The following DCAF1 variants were observed in gnomAD, a reference collection of about 807,000 sequenced individuals.
DCAF1 encodes DDB1- and CUL4-associated factor 1.
Under a neutral mutation model 128.0 loss-of-function variants are expected in DCAF1, and 15 were observed. The observed-to-expected ratio is 0.12, with a 90% CI of 0.08 to 0.18. The LOEUF (loss-of-function observed/expected upper bound fraction) is 0.18. Among genes scored for constraint, DCAF1 ranks in the 10% least tolerant of loss-of-function variants. The pLI is 1.00. For missense variants in DCAF1, 988 were observed against 1,649.5 expected (o/e 0.60, Z 6.95); for synonymous variants, 610 against 603.0 (o/e 1.01, Z -0.17).
At chr3:51,406,537 C>G (rs1559472582) in intron 23 of DCAF1, among the ~76,000 whole-genome samples, 1 of 151,830 alleles carries the variant, frequency 6.6e-6, no homozygotes, top group African/African-American at 2.4e-5. Flanking sequence ...AGAAAGAATT[C>G]TAAAACTCTT....
intron 22 of DCAF1, 91 bp from the exon 23 acceptor site, chr3:51,412,571 C>T: frequency 2.6e-6 from 4 of 1,567,794 alleles, no homozygotes; most frequent in Non-Finnish European, 3.4e-6. Flanking sequence ...ATGACCTTGA[C>T]CCTGTAATTA....
At chr3:51,461,823 A>C (rs1553644662) in intron 6 of DCAF1, among the ~76,000 whole-genome samples, 2 of 152,042 alleles carry the variant, frequency 1.3e-5, no homozygotes, top group African/African-American at 4.8e-5. Context: ...CAAAAAACCA[A>C]ACACCGCATG....
intron 1 of DCAF1, among the ~76,000 whole-genome samples, chr3:51,497,595 GA>G (rs1306471283): frequency 2.7e-5 from 4 of 149,218 alleles, no homozygotes; most frequent in Admixed American, 6.7e-5. Flanking sequence ...TCAAAAAAAA[GA>G]AAAAAAAATT....
Position 51,427,468 on chromosome 3 carries a change from T to A in DCAF1, c.1751A>T (p.Tyr584Phe). 1.3e-6 allele frequency: 1 copy of A among 780,084 alleles called. No individual in the cohort carries two copies. Among genetic ancestry groups the A allele is most frequent in the Non-Finnish European group, 2.4e-6 (1 of 417,654 alleles). 48.3% of individuals were successfully genotyped at this position (780,084 alleles called of 1,614,324 possible). The change falls in exon 13 of 25, where the codon TAT becomes TTT. Residue 584 changes from tyrosine to phenylalanine, a missense_variant. This residue lies in a region of DCAF1 where 185 missense variants were observed against 248.1 expected (regional missense o/e 0.75). Transcript: ENST00000684031. ...GAGGAAAACTTCAGCTGGTTCCCAA[T>A]ATAGCTGCGCTGGGCCATATTCTAT... ...FLIEYGPAQLYWEPAEVFLKL... is the reference protein window; with the variant it reads ...FLIEYGPAQLFWEPAEVFLKL...
At position 51,403,147 on chromosome 3, in the gene DCAF1, C is replaced by T; in HGVS notation, c.4461G>A (p.Gly1487=). 1 of 1,610,500 alleles carries T rather than the reference C, an allele frequency of 6.2e-7. No individual in the cohort carries two copies. The highest frequency in any genetic ancestry group is 2.2e-5 in the East Asian group (1 of 44,838). The change falls in exon 24 of 25, where the codon GGG becomes GGA. Residue 1487 remains glycine (G), a synonymous_variant. Transcript: ENST00000684031. Reference sequence around the variant, plus strand: ...TGAACTCTGCCCTATACTTACTGTCCCCCAGGATCAGTTCCACCTCCTCAT... The same window carrying T: ...TGAACTCTGCCCTATACTTACTGTCTCCCAGGATCAGTTCCACCTCCTCAT... ...DADEEVELIL[G]DTDSSDNSDL... is the part of the protein sequence containing the mutation.
chr3:51,490,207 G>A (rs1020173119), intron 2 of DCAF1, among the ~76,000 whole-genome samples: 15 of 152,144 alleles, frequency 9.9e-5, no homozygotes, highest in African/African-American at 3.4e-4. Flanking sequence ...CTTGAGCTCA[G>A]GAATTCAAGT....
rs540374572 is a variant in DCAF1 at position 51,403,408 on chromosome 3, C to T, written c.4213-13G>A. ...GTTCTTCCTCTTCCTGGTAAGAAAG[C>T]GTAATGTTCATTAGTACAAACACAG... On this transcript the variant is annotated splice_polypyrimidine_tract_variant and intron_variant, in intron 23 of 24. Coordinates refer to ENST00000684031, the MANE Select transcript of DCAF1 (RefSeq NM_001387579.1). The T allele has an allele frequency of 1.7e-5, 27 of 1,551,724 alleles. No individual in the cohort carries two copies. The highest frequency in any genetic ancestry group is 1.2e-4 in the South Asian group (10 of 84,036).
intron 6 of DCAF1, among the ~76,000 whole-genome samples, chr3:51,459,912 T>C (rs1238591284): frequency 1.3e-5 from 2 of 152,110 alleles, no homozygotes; most frequent in Non-Finnish European, 2.9e-5. Context: ...TATCTCAAAA[T>C]AATAAGAGCT....
At chr3:51,410,732 A>T (rs1323987220) in intron 23 of DCAF1, among the ~76,000 whole-genome samples, 3 of 152,240 alleles carry the variant, frequency 2.0e-5, no homozygotes, top group Non-Finnish European at 2.9e-5. Context: ...CTAACCATTG[A>T]GCATGATTTA....
intron 23 of DCAF1, among the ~76,000 whole-genome samples, chr3:51,408,267 C>T (rs552797945): frequency 1.4e-4 from 22 of 152,250 alleles, no homozygotes; most frequent in African/African-American, 4.3e-4. Flanking sequence ...AATTATATCT[C>T]GATAAAGCTC....
At chr3:51,500,948 C>T (rs1324071894), upstream of DCAF1, among the ~76,000 whole-genome samples, 10 of 151,758 alleles carry the variant, frequency 6.6e-5, no homozygotes, top group Admixed American at 3.3e-4. Flanking sequence ...CCCAAGTAGC[C>T]GGGGCTACAG....
chr3:51,428,431 C>G (rs1380430588), intron 12 of DCAF1, among the ~76,000 whole-genome samples: 2 of 145,658 alleles, frequency 1.4e-5, no homozygotes, highest in African/African-American at 5.1e-5. Context: ...TTCAAATGAT[C>G]CTCCCACCTC....
At chr3:51,434,380 T>A (rs1700640422) in intron 9 of DCAF1, among the ~76,000 whole-genome samples, 1 of 152,210 alleles carries the variant, frequency 6.6e-6, no homozygotes, top group African/African-American at 2.4e-5. Flanking sequence ...CACTCCAGCC[T>A]GGGTGACAAA....
At chr3:51,446,999 T>TAATAAA (rs370193180) in intron 6 of DCAF1, among the ~76,000 whole-genome samples, 40 of 148,148 alleles carry the variant, frequency 2.7e-4, no homozygotes, top group Middle Eastern at 3.6e-3. Flanking sequence ...ATAATAATAA[T>TAATAAA]AAAATGTTTT....
chr3:51,437,263 T>C (rs568041006), intron 9 of DCAF1: 2 of 317,876 alleles, frequency 6.3e-6, no homozygotes, highest in East Asian at 1.7e-4. Context: ...TAAGACTCCA[T>C]GTCAAAAAAA....
chr3:51,504,271 C>T (rs1157341462), upstream of DCAF1, among the ~76,000 whole-genome samples: 5 of 151,676 alleles, frequency 3.3e-5, no homozygotes, highest in Non-Finnish European at 5.9e-5. Context: ...CTCCTGACCC[C>T]GTGATCCGCC....
intron 10 of DCAF1, among the ~76,000 whole-genome samples, chr3:51,430,733 ATAGAT>A (rs1700294212): frequency 6.6e-6 from 1 of 152,324 alleles, no homozygotes. Flanking sequence ...ATGTACACAC[ATAGAT>A]TAGTTTATTA....
intron 3 of DCAF1, among the ~76,000 whole-genome samples, chr3:51,477,519 C>T (rs1705619570): frequency 6.6e-6 from 1 of 151,284 alleles, no homozygotes; most frequent in African/African-American, 2.4e-5. Flanking sequence ...CCCAGCCACT[C>T]AGAGGGCTGA....
At chr3:51,452,589 CCT>C (rs1702464286) in intron 6 of DCAF1, among the ~76,000 whole-genome samples, 2 of 152,092 alleles carry the variant, frequency 1.3e-5, no homozygotes, top group Non-Finnish European at 2.9e-5. Flanking sequence ...TCATAATTTC[CCT>C]TAAATAGTGT....
Sources: allele counts gnomAD v4.1 joint callset (sites outside exome capture counted in the v4.1 genomes callset), GRCh38; gene constraint gnomAD v4.1.1; regional missense constraint gnomAD v4.1.1; transcripts MANE v1.5; gene names NCBI Gene and HGNC (gene_info 2026-07-23, HGNC 2026-07-21).